The following LAMB4 variants were observed in gnomAD, a reference collection of about 807,000 sequenced individuals.
LAMB4 encodes laminin subunit beta 4, also known as laminin subunit beta-4.
In LAMB4, 196 loss-of-function variants were observed where a neutral mutation model predicts 199.2. The observed-to-expected ratio is 0.98, with a 90% CI of 0.88 to 1.11. LAMB4 has a LOEUF of 1.11. Among genes scored for constraint, LAMB4 ranks in the 50% least tolerant of loss-of-function variants. The pLI, the probability that LAMB4 is intolerant of heterozygous loss-of-function variation, is 0.00. For missense variants in LAMB4, 2,080 were observed against 2,171.2 expected, an observed-to-expected ratio of 0.96 and a Z score of 0.83; for synonymous variants, 744 against 770.6, an observed-to-expected ratio of 0.97 and a Z score of 0.57.
At position 108,062,869 on chromosome 7, in the gene LAMB4, G is replaced by T. The variant is rs536424364; in HGVS notation, c.3187C>A (p.Arg1063Ser). The change falls in exon 23 of 34, where the codon CGT (arginine) becomes AGT (serine). Residue 1063 changes from arginine to serine, a missense_variant. Transcript: ENST00000388781. ...AGATTCCAGTATCCATCAGCACAAC[G>T]GTCACAGGCCAGGCCTGTGACATTC... ...LPNVTGLACDRCADGYWNLVP... is the reference protein window; with the variant it reads ...LPNVTGLACDSCADGYWNLVP... The T allele has an allele frequency of 6.3e-7, 1 of 1,593,030 alleles. No homozygotes were observed. The highest frequency in any genetic ancestry group is 1.4e-5 in the African/African-American group (1 of 73,704).
chr7:108,126,529 T>G (rs1170904707), intron 1 of LAMB4, among the ~76,000 whole-genome samples: 1 of 150,244 alleles, frequency 6.7e-6, no homozygotes, highest in African/African-American at 2.4e-5. Context: ...TTCATCCATG[T>G]TGTAGGATGT....
chr7:108,043,696 A>T, intron 29 of LAMB4, 56 bp downstream of exon 29: 1 of 1,145,796 alleles, frequency 8.7e-7, no homozygotes, highest in East Asian at 2.6e-5. Flanking sequence ...ATGTTTGACT[A>T]TACATTAAAA....
chr7:108,057,226 A>C (rs1208602454), intron 24 of LAMB4, among the ~76,000 whole-genome samples: 2 of 152,130 alleles, frequency 1.3e-5, no homozygotes, highest in Admixed American at 6.5e-5. Flanking sequence ...CTTCTCTATA[A>C]AAGATGAAAG....
At chr7:108,034,958 C>T (rs1015018478) in intron 30 of LAMB4, among the ~76,000 whole-genome samples, 1 of 152,132 alleles carries the variant, frequency 6.6e-6, no homozygotes, top group African/African-American at 2.4e-5. Flanking sequence ...GAAGAATGTA[C>T]CGAGGGAGTG....
At chr7:108,053,425 C>A (rs913748810) in intron 25 of LAMB4, among the ~76,000 whole-genome samples, 1 of 152,158 alleles carries the variant, frequency 6.6e-6, no homozygotes, top group African/African-American at 2.4e-5. Flanking sequence ...AAGACAAGCA[C>A]GTGAGAAGGC....
At chr7:108,039,780 C>A (rs1354837353) in intron 29 of LAMB4, among the ~76,000 whole-genome samples, 1 of 152,098 alleles carries the variant, frequency 6.6e-6, no homozygotes, top group Non-Finnish European at 1.5e-5. Flanking sequence ...GAAACAGTAG[C>A]TTTTTAATTA....
intron 14 of LAMB4, among the ~76,000 whole-genome samples, chr7:108,088,347 G>C (rs2037265276): frequency 6.6e-6 from 1 of 152,108 alleles, no homozygotes; most frequent in Non-Finnish European, 1.5e-5. Flanking sequence ...ATTTTTAGTA[G>C]AGACGGGGTT....
At chr7:108,129,773 C>T (rs1213183622) in intron 1 of LAMB4, among the ~76,000 whole-genome samples, 1 of 152,164 alleles carries the variant, frequency 6.6e-6, no homozygotes, top group African/African-American at 2.4e-5. Context: ...AAGCAATTTG[C>T]CTGCCTCGGC....
chr7:108,051,183 TC>T (rs1275301640), intron 26 of LAMB4, among the ~76,000 whole-genome samples: 2 of 152,216 alleles, frequency 1.3e-5, no homozygotes, highest in Non-Finnish European at 2.9e-5. Flanking sequence ...CAGAGTAGAT[TC>T]CTTACTCATT....
At chr7:108,111,780 A>T in intron 4 of LAMB4, 31 bp downstream of exon 4, 1 of 1,593,362 alleles carries the variant, frequency 6.3e-7, no homozygotes, top group Non-Finnish European at 8.6e-7. Context: ...TATTGAAGAA[A>T]TAAACAACTG....
At chr7:108,081,235 A>G (rs1426576860) in intron 14 of LAMB4, among the ~76,000 whole-genome samples, 1 of 152,216 alleles carries the variant, frequency 6.6e-6, no homozygotes, top group Non-Finnish European at 1.5e-5. Context: ...GGCTGCTGAC[A>G]GCTCACAGTT....
intron 28 of LAMB4, 133 bp from the exon 29 acceptor site, chr7:108,044,029 AG>A: frequency 6.1e-6 from 4 of 652,036 alleles, no homozygotes; most frequent in Non-Finnish European, 9.8e-6. Context: ...GATAAACCAT[AG>A]ATTCATTTGC....
rs1332649607 is a variant in LAMB4, at chr7:108,092,382, C to T, written c.1505G>A (p.Gly502Glu). The T allele has an allele frequency of 5.0e-6, 8 of 1,613,808 alleles. No homozygotes were observed. The highest frequency in any genetic ancestry group is 5.1e-6 in the Non-Finnish European group (6 of 1,179,910). ...AATATCACAGTCACAGGGAGAACAC[C>T]CATGGAGATGATTTCCCAGGCCCCA... ...GYWGLGNHLHGCSPCDCDIGG... is the reference protein window; with the variant it reads ...GYWGLGNHLHECSPCDCDIGG... Residue 502 changes from glycine (G) to glutamate (E), a missense_variant, in exon 13 of 34, where the codon GGG becomes GAG. Physicochemically the swap from Gly to Glu is moderately conservative, Grantham distance 98. Transcript: ENST00000388781.
chr7:108,051,653 T>C (rs2035830591), intron 26 of LAMB4, among the ~76,000 whole-genome samples: 1 of 152,232 alleles, frequency 6.6e-6, no homozygotes, highest in Admixed American at 6.5e-5. Flanking sequence ...CTCTCATTCT[T>C]ACAAAGCTCT....
chr7:108,061,014 G>A (rs940019365), intron 23 of LAMB4, among the ~76,000 whole-genome samples: 2 of 152,188 alleles, frequency 1.3e-5, no homozygotes, highest in African/African-American at 2.4e-5. Context: ...GGGATAAGTC[G>A]TGTTAATAAT....
At chr7:108,073,952 GGGT>G (rs201111168) in intron 17 of LAMB4, among the ~76,000 whole-genome samples, 5 of 152,000 alleles carry the variant, frequency 3.3e-5, no homozygotes, top group Admixed American at 1.3e-4. Flanking sequence ...ACAGTGGGGC[GGGT>G]GGTGGTGGTG....
At chr7:108,118,768 T>C (rs1233436302) in intron 2 of LAMB4, among the ~76,000 whole-genome samples, 7 of 150,924 alleles carry the variant, frequency 4.6e-5, no homozygotes, top group Admixed American at 4.6e-4. Flanking sequence ...AAAACCATGA[T>C]CCATAAAAGG....
At chr7:108,058,008 C>G in intron 23 of LAMB4, 80 bp from the exon 24 acceptor site, 1 of 954,444 alleles carries the variant, frequency 1.0e-6, no homozygotes, top group East Asian at 2.5e-5. Context: ...AATATTTTCC[C>G]CTCCAGTGAA....
At chr7:108,104,935 T>A (rs896697758) in intron 8 of LAMB4, among the ~76,000 whole-genome samples, 4 of 150,960 alleles carry the variant, frequency 2.6e-5, no homozygotes, top group African/African-American at 4.9e-5. Flanking sequence ...TTGTGGGGAG[T>A]TGGGGGGGAG....
Sources: allele counts gnomAD v4.1 joint callset (sites outside exome capture counted in the v4.1 genomes callset), GRCh38; gene constraint gnomAD v4.1.1; transcripts MANE v1.5; gene names NCBI Gene and HGNC (gene_info 2026-07-23, HGNC 2026-07-21).